The following DMBT1 variants were observed in gnomAD, a reference collection of about 807,000 sequenced individuals.
DMBT1 encodes deleted in malignant brain tumors 1.
In DMBT1, 198 loss-of-function variants were observed where a neutral mutation model predicts 252.9. The observed-to-expected ratio is 0.78, with a 90% CI of 0.70 to 0.88. The LOEUF (loss-of-function observed/expected upper bound fraction) is 0.88, where lower values mean the gene tolerates loss of function less well. Ranked by LOEUF, DMBT1 falls within the 40% of genes least tolerant of loss-of-function variation. The pLI is 0.00. For missense variants in DMBT1, 2,432 were observed against 2,404.7 expected (o/e 1.01, Z -0.24); for synonymous variants, 990 against 942.7 (o/e 1.05, Z -0.92).
At chr10:122,570,106 C>A (rs1028804653) in intron 2 of DMBT1, 56 bp from the exon 3 acceptor site, 115 of 1,471,950 alleles carry the variant, frequency 7.8e-5, no homozygotes, top group Non-Finnish European at 1.0e-4. Context: ...AGCCAGGGAC[C>A]AGCCCTCCCC....
chr10:122,638,972 G>T (rs1843997847), intron 54 of DMBT1, among the ~76,000 whole-genome samples: 1 of 152,218 alleles, frequency 6.6e-6, no homozygotes, highest in African/African-American at 2.4e-5. Context: ...GGCAACGGAG[G>T]CTTGCAGAAG....
At position 122,565,950 on chromosome 10, in the gene DMBT1, A is replaced by G. The variant is rs2097586187; in HGVS notation, c.62-17A>G. 1 of 1,613,500 alleles carries G rather than the reference A, an allele frequency of 6.2e-7. No homozygotes were observed. The highest frequency in any genetic ancestry group is 1.3e-5 in the African/African-American group (1 of 74,928). On this transcript the variant is annotated splice_polypyrimidine_tract_variant and intron_variant, in intron 1 of 55. Coordinates refer to ENST00000338354, the MANE Select transcript of DMBT1 (RefSeq NM_001377530.1). ...TTTCTAAACAGTGTTTCTAAGACGA[A>G]TTTGTGTTCTTTCCAGGTGGGTGGA... is the stretch of plus-strand genomic sequence containing the variant.
At chr10:122,642,760 G>A (rs767771635) in intron 55 of DMBT1, among the ~76,000 whole-genome samples, 12 of 152,122 alleles carry the variant, frequency 7.9e-5, no homozygotes, top group Non-Finnish European at 1.2e-4. Flanking sequence ...TCTGGGTCCC[G>A]CTCCTGGGCT....
At chr10:122,592,692 C>CAGAAGAA in intron 20 of DMBT1, 97 bp downstream of exon 20, 1 of 1,537,406 alleles carries the variant, frequency 6.5e-7, no homozygotes, top group Non-Finnish European at 8.8e-7. Context: ...AAAGATTCTT[C>CAGAAGAA]TATGTTTCCT....
intron 1 of DMBT1, among the ~76,000 whole-genome samples, chr10:122,561,154 G>A (rs1243650661): frequency 3.3e-5 from 5 of 152,154 alleles, no homozygotes; most frequent in Non-Finnish European, 5.9e-5. Context: ...TTATTAAGAG[G>A]CCCTTAAACT....
intron 24 of DMBT1, 36 bp from the exon 25 acceptor site, chr10:122,597,938 C>G (rs376970434): frequency 1.3e-4 from 202 of 1,613,816 alleles, no homozygotes; most frequent in Non-Finnish European, 1.6e-4. Flanking sequence ...TCACCATCAA[C>G]TTTAATTCTA....
At position 122,586,280 on chromosome 10, in the gene DMBT1, C is replaced by A. The variant is rs143892520; in HGVS notation, c.1680C>A (p.Asp560Glu). The A allele has an allele frequency of 1.1e-5, 18 of 1,588,498 alleles. No homozygotes were observed. Among genetic ancestry groups the A allele is most frequent in the Non-Finnish European group, 1.4e-5 (16 of 1,165,820 alleles). The change falls in exon 16 of 56, where the codon GAC becomes GAA. Residue 560 changes from aspartate (D) to glutamate (E), a missense_variant. Transcript: ENST00000338354. ...GCTCAGGACCCATTGTCCTGGATGA[C>A]GTGCGCTGCTCAGGGAATGAGTCCT... ...GQGSGPIVLD[D>E]VRCSGNESYL...
At position 122,579,770 on chromosome 10, in the gene DMBT1, A is replaced by G. The variant is rs1477976231; in HGVS notation, c.872A>G (p.Gln291Arg). 8 of 1,613,810 alleles carry G rather than the reference A, an allele frequency of 5.0e-6. No homozygotes were observed. The highest frequency in any genetic ancestry group is 6.8e-6 in the Non-Finnish European group (8 of 1,179,764). Reference protein sequence around the residue: ...MSAPGNAQFGQGSGPIVLDDV... With the variant: ...MSAPGNAQFGRGSGPIVLDDV... ...GCCCCAGGAAATGCCCAGTTTGGCC[A>G]GGGCTCAGGACCCATTGTCCTGGAT... is the stretch of plus-strand genomic sequence containing the variant. The change falls in exon 10 of 56, where the codon CAG (glutamine) becomes CGG (arginine). Residue 291 changes from glutamine to arginine, a missense_variant. Physicochemically the swap from Gln to Arg is conservative, Grantham distance 43. Around this residue, in one of 3 missense-constraint regions of DMBT1, gnomAD observed 1,264 missense variants for 1,082.2 expected, o/e 1.17. Coordinates refer to ENST00000338354, the MANE Select transcript of DMBT1 (RefSeq NM_001377530.1).
At chr10:122,630,017 T>C (rs1245356793) in intron 47 of DMBT1, 24 bp downstream of exon 47, 2 of 1,613,286 alleles carry the variant, frequency 1.2e-6, no homozygotes, top group Admixed American at 1.7e-5. Flanking sequence ...GGTCATCTGG[T>C]GAGGGGTGAG....
chr10:122,596,971 C>T (rs377136601), intron 23 of DMBT1, 54 bp from the exon 24 acceptor site: 38,499 of 452,574 alleles, frequency 0.085, 2,409 homozygotes, highest in African/African-American at 0.28. Flanking sequence ...ACCTTTGTTC[C>T]GATTTTGCCA....
intron 1 of DMBT1, among the ~76,000 whole-genome samples, chr10:122,564,848 T>A (rs2097576905): frequency 6.6e-6 from 1 of 152,200 alleles, no homozygotes; most frequent in South Asian, 2.1e-4. Flanking sequence ...ATTCTACCAT[T>A]ATTAGTATCT....
intron 10 of DMBT1, 128 bp downstream of exon 10, chr10:122,580,029 C>A: frequency 6.6e-7 from 1 of 1,507,954 alleles, no homozygotes; most frequent in Non-Finnish European, 8.9e-7. Flanking sequence ...CTTGTCAGCT[C>A]TCTGCTAAGA....
intron 1 of DMBT1, among the ~76,000 whole-genome samples, chr10:122,563,356 T>A (rs1387859354): frequency 6.6e-6 from 1 of 152,218 alleles, no homozygotes; most frequent in Non-Finnish European, 1.5e-5. Context: ...GACATTTTCC[T>A]CATGTTTTAT....
chr10:122,620,166 A>G (rs1283009945), intron 42 of DMBT1, 87 bp from the exon 43 acceptor site: 1 of 1,403,814 alleles, frequency 7.1e-7, no homozygotes, highest in African/African-American at 1.4e-5. Flanking sequence ...AATAGTTTTC[A>G]TGATGCTTGC....
chr10:122,629,510 G>C lies in DMBT1; in HGVS notation c.5669-330G>C, dbSNP rs373457689. Among the ~76,000 whole-genome samples, 168 of 152,334 alleles carry C rather than the reference G, an allele frequency of 1.1e-3. 2 individuals carry two copies. The South Asian group carries it at 0.034, about 31-fold the overall frequency. On this transcript the variant is annotated intron_variant, in intron 46 of 55. Transcript: ENST00000338354. The stretch of plus-strand genomic sequence containing the variant: ...TCAGCCAGGACTATCCCACGTCCCT[G>C]TCTGTAGCTGATTGAACAATGATAG...
At chr10:122,640,602 GTAGCTT>G (rs1844349286) in intron 55 of DMBT1, among the ~76,000 whole-genome samples, 153 bp downstream of exon 55, 1 of 152,136 alleles carries the variant, frequency 6.6e-6, no homozygotes, top group African/African-American at 2.4e-5. Flanking sequence ...GTGATGTCCT[GTAGCTT>G]TCACCTTTGA....
chr10:122,635,920 C>T (rs1317090619), intron 52 of DMBT1, 71 bp from the exon 53 acceptor site: 7 of 1,543,220 alleles, frequency 4.5e-6, no homozygotes, highest in African/African-American at 1.4e-5. Flanking sequence ...TGTGACCCCA[C>T]CCTGAGATCT....
chr10:122,576,309 G>T, intron 6 of DMBT1, 90 bp from the exon 7 acceptor site: 1 of 1,520,658 alleles, frequency 6.6e-7, no homozygotes, highest in Non-Finnish European at 8.9e-7. Context: ...AAAGATATCT[G>T]CCTATGGGGA....
rs745405161 is a variant in DMBT1 at position 122,598,799 on chromosome 10, G to A, written c.2982G>A (p.Arg994=). The change falls in exon 26 of 56, where the codon AGG becomes AGA. Residue 994 remains arginine, a synonymous_variant. Coordinates refer to ENST00000338354, the MANE Select transcript of DMBT1 (RefSeq NM_001377530.1). The stretch of plus-strand genomic sequence containing the variant: ...GATCTGAATCCAGTTTGGCCCTGAG[G>A]CTGGTGAATGGAGGTGACAGGTGTC... ...TVGSESSLAL[R]LVNGGDRCQG... is the part of the protein sequence containing the mutation. 7.4e-6 allele frequency: 12 copies of A among 1,613,296 alleles called. No individual in the cohort carries two copies. The highest frequency in any genetic ancestry group is 6.7e-5 in the African/African-American group (5 of 74,920).
Sources: allele counts gnomAD v4.1 joint callset (sites outside exome capture counted in the v4.1 genomes callset), GRCh38; gene constraint gnomAD v4.1.1; regional missense constraint gnomAD v4.1.1; transcripts MANE v1.5; gene names NCBI Gene and HGNC (gene_info 2026-07-23, HGNC 2026-07-21).